SNTB2: variants seen among roughly 807,000 people sequenced by gnomAD.
SNTB2 encodes the protein beta-2-syntrophin.
A neutral mutation model predicts 46.2 loss-of-function variants in SNTB2; 34 were observed. The observed-to-expected ratio is 0.74, with a 90% confidence interval of 0.56 to 0.98. The LOEUF (loss-of-function observed/expected upper bound fraction) is 0.98, where lower values mean the gene tolerates loss of function less well. Ranked by LOEUF, SNTB2 falls within the 50% of genes least tolerant of loss-of-function variation. The pLI, the probability that SNTB2 is intolerant of heterozygous loss-of-function variation, is 0.00. For missense variants in SNTB2, 603 were observed against 731.4 expected, an observed-to-expected ratio of 0.82 and a Z score of 2.02; for synonymous variants, 290 against 312.6, an observed-to-expected ratio of 0.93 and a Z score of 0.76.
rs537004788 is a variant in SNTB2 at position 69,236,676 on chromosome 16, A to G, written c.581-8926A>G. On this transcript the variant is annotated intron_variant, in intron 1 of 6. Transcript: ENST00000336278. Reference sequence around the variant, plus strand: ...ATGTTGTGTATATTTTACAATTACAAAAAAAAAAAAAAGCAGCAGCAGCAG... The same window carrying G: ...ATGTTGTGTATATTTTACAATTACAGAAAAAAAAAAAAGCAGCAGCAGCAG... Among the ~76,000 whole-genome samples, 3 of 146,018 alleles carry G rather than the reference A, an allele frequency of 2.1e-5. No homozygotes were observed. In the South Asian group the frequency reaches 6.4e-4, roughly 31 times the overall value.
intron 1 of SNTB2, among the ~76,000 whole-genome samples, chr16:69,244,509 C>G (rs982946348): frequency 3.9e-5 from 6 of 152,164 alleles, no homozygotes; most frequent in African/African-American, 1.4e-4. Context: ...ACTGTGTGTA[C>G]CACTGTGCCC....
At chr16:69,284,442 T>G in intron 5 of SNTB2, among the ~76,000 whole-genome samples, 198 bp downstream of exon 5, 1 of 110,428 alleles carries the variant, frequency 9.1e-6, no homozygotes. Context: ...GGCAACATGG[T>G]GAAACCCCGT....
intron 5 of SNTB2, among the ~76,000 whole-genome samples, chr16:69,289,741 G>A (rs191323592): frequency 3.5e-4 from 53 of 152,138 alleles, no homozygotes; most frequent in Non-Finnish European, 6.8e-4. Flanking sequence ...GGGCAACATG[G>A]CGAAACCCCG....
chr16:69,265,604 G>A (rs1331462683), intron 3 of SNTB2, among the ~76,000 whole-genome samples: 7 of 151,978 alleles, frequency 4.6e-5, no homozygotes, highest in African/African-American at 1.7e-4. Context: ...CAAGGCAGGC[G>A]TATCACGAGG....
At chr16:69,245,848 C>A (rs745551978) in intron 2 of SNTB2, 33 bp downstream of exon 2, 7 of 1,593,400 alleles carry the variant, frequency 4.4e-6, no homozygotes, top group Non-Finnish European at 5.2e-6. Flanking sequence ...ATCATACCTA[C>A]AGCTTTACAA....
intron 2 of SNTB2, among the ~76,000 whole-genome samples, chr16:69,257,458 T>C (rs1964789647): frequency 1.5e-5 from 2 of 131,048 alleles, no homozygotes; most frequent in South Asian, 4.7e-4. Context: ...TATTTATTTA[T>C]TTTCTTGAGA....
chr16:69,244,136 C>T (rs1964645620), intron 1 of SNTB2, among the ~76,000 whole-genome samples: 1 of 152,132 alleles, frequency 6.6e-6, no homozygotes, highest in Non-Finnish European at 1.5e-5. Flanking sequence ...GGTCACATAG[C>T]TTTGAATAGC....
intron 4 of SNTB2, among the ~76,000 whole-genome samples, chr16:69,278,700 C>T (rs956280753): frequency 6.6e-6 from 1 of 152,234 alleles, no homozygotes; most frequent in African/African-American, 2.4e-5. Flanking sequence ...AGGTGATCTG[C>T]CCGCCTTGGC....
At chr16:69,190,261 T>C (rs575513568) in intron 1 of SNTB2, among the ~76,000 whole-genome samples, 1 of 152,318 alleles carries the variant, frequency 6.6e-6, no homozygotes, top group East Asian at 1.9e-4. Flanking sequence ...CATCTCACAG[T>C]GATGCTTTTT....
At chr16:69,244,512 C>G (rs11645097) in intron 1 of SNTB2, among the ~76,000 whole-genome samples, 25,961 of 152,142 alleles carry the variant, frequency 0.17, 2,522 homozygotes, top group African/African-American at 0.25. Context: ...GTGTGTACCA[C>G]TGTGCCCAGC....
chr16:69,244,208 A>G (rs1203162617), intron 1 of SNTB2, among the ~76,000 whole-genome samples: 3 of 152,240 alleles, frequency 2.0e-5, no homozygotes. Context: ...TGACCACATC[A>G]TGCTGTAGAA....
At chr16:69,287,676 T>C (rs2143170284) in intron 5 of SNTB2, among the ~76,000 whole-genome samples, 1 of 152,156 alleles carries the variant, frequency 6.6e-6, no homozygotes, top group South Asian at 2.1e-4. Context: ...CTGGCCATCA[T>C]AGTGAAACCC....
intron 1 of SNTB2, among the ~76,000 whole-genome samples, chr16:69,236,180 G>C (rs1158966184): frequency 6.6e-6 from 1 of 152,160 alleles, no homozygotes; most frequent in African/African-American, 2.4e-5. Context: ...TAAGATATTT[G>C]AGGGGACAGA....
intron 1 of SNTB2, among the ~76,000 whole-genome samples, chr16:69,206,774 AT>A (rs978550028): frequency 6.7e-6 from 1 of 149,522 alleles, no homozygotes; most frequent in Non-Finnish European, 1.5e-5. Flanking sequence ...TTATATACTT[AT>A]TTTTTTTGAG....
intron 5 of SNTB2, among the ~76,000 whole-genome samples, chr16:69,296,719 CA>C (rs199809401): frequency 0.081 from 7,345 of 90,884 alleles, 213 homozygotes; most frequent in Non-Finnish European, 0.11. Flanking sequence ...GACTCTGTCT[CA>C]AAAAAAAAAA....
intron 1 of SNTB2, among the ~76,000 whole-genome samples, chr16:69,211,020 G>T (rs1964279435): frequency 6.6e-6 from 1 of 152,006 alleles, no homozygotes; most frequent in African/African-American, 2.4e-5. Flanking sequence ...GTAGAGACAG[G>T]TTCTTGCTGT....
intron 3 of SNTB2, among the ~76,000 whole-genome samples, chr16:69,263,692 A>G (rs1170909433): frequency 6.6e-6 from 1 of 152,090 alleles, no homozygotes; most frequent in Non-Finnish European, 1.5e-5. Context: ...TGCTGGGATT[A>G]CAGGAGTGAG....
chr16:69,263,847 A>G (rs1287094365), intron 3 of SNTB2, among the ~76,000 whole-genome samples: 2 of 151,624 alleles, frequency 1.3e-5, no homozygotes, highest in African/African-American at 4.8e-5. Context: ...TATTTTAGTG[A>G]TATATACAAA....
At position 69,303,020 on chromosome 16, in the gene SNTB2, C is replaced by T. The variant is rs1011609763; in HGVS notation, c.*2096C>T. On this transcript the variant is annotated 3_prime_UTR_variant, in exon 7 of 7. Transcript: ENST00000336278. ...TAGCTGGGGTTATAGCTACCCACCACCACACCCAGCTAATTTTTGTATTTT... is the reference window on the plus strand; with the variant it reads ...TAGCTGGGGTTATAGCTACCCACCATCACACCCAGCTAATTTTTGTATTTT... 1.3e-5 allele frequency: 2 copies of T among 152,188 alleles called. No homozygotes were observed. The highest frequency in any genetic ancestry group is 4.8e-5 in the African/African-American group (2 of 41,396). The allele number at this position is 152,188 out of a possible 1,614,324, so 9.4% of individuals were successfully genotyped here.
Sources: gnomAD v4.1 joint callset for allele counts (sites outside exome capture counted in the v4.1 genomes callset) on GRCh38, gnomAD v4.1.1 for gene constraint, MANE v1.5 for transcripts, NCBI Gene and HGNC (gene_info 2026-07-23, HGNC 2026-07-21) for gene names.